The following R3HDM1 variants were observed in gnomAD, a reference collection of about 807,000 sequenced individuals.
The protein encoded by R3HDM1 is R3H domain-containing protein 1.
In R3HDM1, 46 loss-of-function variants were observed where a neutral mutation model predicts 141.1. That is an observed-to-expected ratio of 0.33 (90% CI 0.26 to 0.42). R3HDM1 has a LOEUF of 0.42. Ranked by LOEUF, R3HDM1 falls within the 10% of genes least tolerant of loss-of-function variation. R3HDM1 has a pLI of 1.00. For missense variants in R3HDM1, 1,184 were observed against 1,368.3 expected, an observed-to-expected ratio of 0.87 and a Z score of 2.12; for synonymous variants, 435 against 472.9, an observed-to-expected ratio of 0.92 and a Z score of 1.04.
chr2:135,667,034 C>T, intron 19 of R3HDM1: 1 of 831,656 alleles, frequency 1.2e-6, no homozygotes, highest in Non-Finnish European at 1.4e-6. Context: ...CATGGGTATT[C>T]TAAGCATTTC....
At chr2:135,566,784 G>C (rs933958292) in intron 1 of R3HDM1, 2 of 984,808 alleles carry the variant, frequency 2.0e-6, no homozygotes, top group African/African-American at 3.5e-5. Flanking sequence ...GCTCACGCCT[G>C]TAATCATGGT....
intron 18 of R3HDM1, among the ~76,000 whole-genome samples, chr2:135,659,211 C>T (rs1412431256): frequency 3.9e-5 from 6 of 152,080 alleles, no homozygotes; most frequent in African/African-American, 1.4e-4. Context: ...AATTCTCCCA[C>T]CTCAGCCCCC....
At chr2:135,633,441 A>G (rs750664928) in intron 9 of R3HDM1, among the ~76,000 whole-genome samples, 1 of 152,222 alleles carries the variant, frequency 6.6e-6, no homozygotes, top group Non-Finnish European at 1.5e-5. Context: ...TATTTGAATT[A>G]TATGAATGAT....
Position 135,710,125 on chromosome 2 carries a change from A to C in R3HDM1, c.2630A>C (p.Gln877Pro). ...CAGCTCAGTGTACCAAACAATCCAC[A>C]ATCTTGTGCCCACTCACCCCCGCAG... ...MMQLSVPNNP[Q>P]SCAHSPPQWK... Residue 877 changes from glutamine (Q) to proline (P), a missense_variant, in exon 23 of 27, where the codon CAA becomes CCA. Around this residue, in one of 5 missense-constraint regions of R3HDM1, gnomAD observed 563 missense variants for 562.0 expected, o/e 1.00. Transcript: ENST00000683871. 6.2e-7 allele frequency: 1 copy of C among 1,614,158 alleles called. No homozygotes were observed. Among genetic ancestry groups the C allele is most frequent in the Non-Finnish European group, 8.5e-7 (1 of 1,180,004 alleles).
intron 24 of R3HDM1, among the ~76,000 whole-genome samples, chr2:135,717,439 G>A (rs1301920287): frequency 1.3e-5 from 2 of 151,590 alleles, no homozygotes; most frequent in African/African-American, 2.4e-5. Flanking sequence ...AGCCAAGATC[G>A]CACCACTGCA....
chr2:135,692,439 A>G (rs2105383029), intron 21 of R3HDM1, among the ~76,000 whole-genome samples: 1 of 152,182 alleles, frequency 6.6e-6, no homozygotes, highest in Non-Finnish European at 1.5e-5. Context: ...AAAAAATACA[A>G]ACATTAGCTG....
At chr2:135,565,663 A>G (rs1054491526) in intron 1 of R3HDM1, 1 of 151,836 alleles carries the variant, frequency 6.6e-6, no homozygotes, top group African/African-American at 2.4e-5. Context: ...GATAGTAATT[A>G]TTAAATCTTA....
At chr2:135,680,822 A>C (rs1310991823) in intron 21 of R3HDM1, among the ~76,000 whole-genome samples, 1 of 152,234 alleles carries the variant, frequency 6.6e-6, no homozygotes, top group Non-Finnish European at 1.5e-5. Context: ...CAAGGAAAGC[A>C]GTCCATATAA....
At chr2:135,553,565 TAAG>T (rs139923203) in intron 1 of R3HDM1, among the ~76,000 whole-genome samples, 1,592 of 152,360 alleles carry the variant, frequency 0.01, 25 homozygotes, top group African/African-American at 0.036. Context: ...AGCACTGTTA[TAAG>T]AAGGTTTCAA....
intron 1 of R3HDM1, chr2:135,536,524 A>G (rs1032643096): frequency 1.1e-6 from 1 of 925,688 alleles, no homozygotes; most frequent in South Asian, 5.0e-5. Flanking sequence ...AACTCCCTAT[A>G]ACAACTTCAT....
At chr2:135,675,556 A>C (rs1574934445) in intron 20 of R3HDM1, 70 bp downstream of exon 20, 2 of 1,426,758 alleles carry the variant, frequency 1.4e-6, no homozygotes, top group Non-Finnish European at 1.9e-6. Flanking sequence ...ACTACAATAC[A>C]TCTTCTATGC....
At chr2:135,693,895 C>T (rs2072826576) in intron 21 of R3HDM1, among the ~76,000 whole-genome samples, 1 of 152,022 alleles carries the variant, frequency 6.6e-6, no homozygotes, top group Admixed American at 6.6e-5. Context: ...ATCCCAGCCA[C>T]TTGGGAGGCT....
At chr2:135,579,249 G>T (rs1301232935) in intron 1 of R3HDM1, among the ~76,000 whole-genome samples, 1 of 152,176 alleles carries the variant, frequency 6.6e-6, no homozygotes, top group Non-Finnish European at 1.5e-5. Context: ...CAATCTGTTG[G>T]AACTCCCAAT....
At chr2:135,575,587 T>C (rs1705227539) in intron 1 of R3HDM1, among the ~76,000 whole-genome samples, 2 of 152,160 alleles carry the variant, frequency 1.3e-5, no homozygotes, top group African/African-American at 4.8e-5. Context: ...TTCAATAAAA[T>C]AGCAGGATAT....
rs1328607621 is a variant in R3HDM1 at position 135,710,136 on chromosome 2, C to A, written c.2641C>A (p.His881Asn). ...ACCAAACAATCCACAATCTTGTGCC[C>A]ACTCACCCCCGCAGTGGAAACAAAA... is the stretch of plus-strand genomic sequence containing the variant. ...SVPNNPQSCA[H>N]SPPQWKQNKY... Residue 881 changes from histidine to asparagine, a missense_variant, in exon 23 of 27, where the codon CAC becomes AAC. This residue lies in a region of R3HDM1 where 563 missense variants were observed against 562.0 expected (regional missense o/e 1.00). Transcript: ENST00000683871. 5 of 1,614,052 alleles carry A rather than the reference C, an allele frequency of 3.1e-6. No homozygotes were observed. In the East Asian group the frequency reaches 1.1e-4, roughly 36 times the overall value.
intron 19 of R3HDM1, among the ~76,000 whole-genome samples, chr2:135,664,244 TA>T (rs1170555163): frequency 1.3e-5 from 2 of 152,198 alleles, no homozygotes; most frequent in Non-Finnish European, 2.9e-5. Flanking sequence ...CTTACCTCTC[TA>T]CATTCTACTA....
rs750999909 is a variant in R3HDM1, at chr2:135,604,958, A to G, written c.113A>G (p.Tyr38Cys). The G allele has an allele frequency of 9.3e-6, 15 of 1,612,468 alleles. No homozygotes were observed. The highest frequency in any genetic ancestry group is 8.3e-5 in the Admixed American group (5 of 59,998). ...RVENLIKSEN[Y>C]GKILVEKNEH... ...GAAAATCTTATCAAATCAGAAAACT[A>G]TGGGAAGATTTTGGTAGAGAAGAAT... Residue 38 changes from tyrosine to cysteine, a missense_variant, in exon 3 of 27, where the codon TAT becomes TGT. Tyr to Cys is a radical substitution (Grantham distance 194, BLOSUM62 -2). Around this residue, in one of 5 missense-constraint regions of R3HDM1, gnomAD observed 192 missense variants for 215.7 expected, o/e 0.89. Coordinates refer to ENST00000683871, the MANE Select transcript of R3HDM1 (RefSeq NM_001378107.1).
intron 1 of R3HDM1, among the ~76,000 whole-genome samples, chr2:135,584,944 C>G (rs1250263117): frequency 1.3e-5 from 2 of 152,118 alleles, no homozygotes; most frequent in Non-Finnish European, 2.9e-5. Flanking sequence ...AAGATTTTAT[C>G]TGAGAAAAAA....
At chr2:135,714,779 A>G (rs998127467) in intron 23 of R3HDM1, among the ~76,000 whole-genome samples, 8 of 151,846 alleles carry the variant, frequency 5.3e-5, no homozygotes, top group African/African-American at 1.9e-4. Flanking sequence ...ACACACACAC[A>G]CACACACACA....
Sources: gnomAD v4.1 joint callset for allele counts (sites outside exome capture counted in the v4.1 genomes callset) on GRCh38, gnomAD v4.1.1 for gene constraint, gnomAD v4.1.1 regional missense constraint, MANE v1.5 for transcripts, NCBI Gene and HGNC (gene_info 2026-07-23, HGNC 2026-07-21) for gene names.